The following SLX4 variants were observed in gnomAD, a reference collection of about 807,000 sequenced individuals.
The protein encoded by SLX4 is SLX4 structure-specific endonuclease subunit.
A neutral mutation model predicts 146.2 loss-of-function variants in SLX4; 112 were observed. The observed-to-expected ratio is 0.77, with a 90% CI of 0.66 to 0.90. SLX4 has a LOEUF of 0.90. SLX4 is among the 40% of genes least tolerant of loss of function. The pLI is 0.00. For synonymous variants in SLX4, 1,061 were observed against 997.7 expected (o/e 1.06, Z -1.20); for missense variants, 2,563 against 2,392.7 (o/e 1.07, Z -1.49).
At position 3,590,409 on chromosome 16, in the gene SLX4, C is replaced by T. The variant is rs773657447; in HGVS notation, c.3229G>A (p.Ala1077Thr). 3 of 1,614,222 alleles carry T rather than the reference C, an allele frequency of 1.9e-6. No homozygotes were observed. Among genetic ancestry groups the T allele is most frequent in the Middle Eastern group, 1.6e-4 (1 of 6,062 alleles). Reference protein sequence around the residue: ...QVGSPTLLSPAVPSKQKRDRS... With the variant: ...QVGSPTLLSPTVPSKQKRDRS... Reference sequence around the variant, plus strand: ...TCCCTTTTCTGCTTTGATGGCACAGCTGGAGACAGCAAGGTTGGGGAGCCC... The same window carrying T: ...TCCCTTTTCTGCTTTGATGGCACAGTTGGAGACAGCAAGGTTGGGGAGCCC... Residue 1077 changes from alanine to threonine, a missense_variant, in exon 12 of 15, where the codon GCT (alanine) becomes ACT (threonine). Physicochemically the swap from Ala to Thr is moderately conservative, Grantham distance 58 (BLOSUM62 0). Transcript: ENST00000294008. This position sits in a 1 kb window ranked among gnomAD's most constrained non-coding sequence, Gnocchi z 4.8.
Position 3,582,435 on chromosome 16 carries a change from G to C in SLX4, c.5412C>G (p.His1804Gln), listed in dbSNP as rs1270976047. 1.2e-6 allele frequency: 2 copies of C among 1,613,832 alleles called. No individual in the cohort carries two copies. The highest frequency in any genetic ancestry group is 1.7e-6 in the Non-Finnish European group (2 of 1,180,044). Residue 1804 changes from histidine (H) to glutamine (Q), a missense_variant, in exon 15 of 15, where the codon CAC becomes CAG. Physicochemically the swap from His to Gln is conservative, Grantham distance 24 (BLOSUM62 0). Transcript: ENST00000294008. ...SRRLLDFLDT[H>Q]CITFTTAATR... ...TGGCGGCAGTGGTGAAGGTGATACA[G>C]TGGGTGTCCAGGAAGTCCAACAGCC...
intron 10 of SLX4, among the ~76,000 whole-genome samples, chr16:3,594,118 C>T (rs565622585): frequency 4.0e-4 from 61 of 152,242 alleles, no homozygotes; most frequent in African/African-American, 1.3e-3. Flanking sequence ...CTGCCCGCCT[C>T]GGCCTCCCAA....
chr16:3,598,853 G>T (rs994420853), intron 5 of SLX4, among the ~76,000 whole-genome samples: 2 of 152,178 alleles, frequency 1.3e-5, no homozygotes, highest in Admixed American at 6.5e-5. Context: ...CACAGACTGT[G>T]TTCCCTCCTC....
Position 3,582,370 on chromosome 16 carries a change from C to T in SLX4, c.5477G>A (p.Arg1826Gln), listed in dbSNP as rs373558741. The T allele has an allele frequency of 6.8e-5, 110 of 1,613,146 alleles. No individual in the cohort carries two copies. The South Asian group carries it at 6.9e-4, about 10-fold the overall frequency. Residue 1826 changes from arginine (R) to glutamine (Q), a missense_variant, in exon 15 of 15, where the codon CGG becomes CAG. Arg to Gln is a conservative substitution (Grantham distance 43, BLOSUM62 1). Transcript: ENST00000294008. ...EKLQGRRRQPRGKKKVERN is the reference protein window; with the variant it reads ...EKLQGRRRQPQGKKKVERN ...GTTCCGCTCCACCTTCTTCTTGCCC[C>T]GAGGCTGCCGCCTCCTGCCCTGGAG...
chr16:3,600,923 G>A, intron 5 of SLX4, 56 bp downstream of exon 5: 1 of 1,589,550 alleles, frequency 6.3e-7, no homozygotes, highest in East Asian at 2.2e-5. Flanking sequence ...AATAGAAAAA[G>A]CCCTGAGTGC....
chr16:3,588,392 G>A (rs2040532610), intron 12 of SLX4, among the ~76,000 whole-genome samples: 1 of 152,370 alleles, frequency 6.6e-6, no homozygotes, highest in East Asian at 1.9e-4. Flanking sequence ...CCACGCGGTA[G>A]CGTGTGGCAG....
chr16:3,597,315 T>G lies in SLX4; in HGVS notation c.1683+64A>C. 2.1e-6 allele frequency: 3 copies of G among 1,454,464 alleles called. No homozygotes were observed. The highest frequency in any genetic ancestry group is 2.7e-6 in the Non-Finnish European group (3 of 1,095,886). 90.1% of individuals were successfully genotyped at this position (1,454,464 alleles called of 1,614,324 possible). The stretch of plus-strand genomic sequence containing the variant: ...TCACCTGGCTGTGGGTACCCAGTGT[T>G]GCAGTTCTGGGATTGCCAACCTCCC... On this transcript the variant is annotated intron_variant, in intron 7 of 14. Transcript: ENST00000294008. This position sits in a 1 kb window ranked among gnomAD's most constrained non-coding sequence, Gnocchi z 4.4.
intron 9 of SLX4, 58 bp downstream of exon 9, chr16:3,595,547 C>T (rs1307344854): frequency 1.3e-6 from 2 of 1,597,056 alleles, no homozygotes; most frequent in Non-Finnish European, 1.7e-6. Flanking sequence ...AACCCCACCA[C>T]ACACATGGCA....
At chr16:3,610,397 A>C (rs2040843332) in intron 1 of SLX4, among the ~76,000 whole-genome samples, 1 of 152,184 alleles carries the variant, frequency 6.6e-6, no homozygotes, top group African/African-American at 2.4e-5. Context: ...GGCATCTGTC[A>C]TAGGTTATCA....
chr16:3,605,901 C>T (rs1372738432), intron 3 of SLX4, among the ~76,000 whole-genome samples: 1 of 133,310 alleles, frequency 7.5e-6, no homozygotes, highest in Admixed American at 8.8e-5. Context: ...GAGCTAATAT[C>T]GTGCCACTGC....
intron 3 of SLX4, among the ~76,000 whole-genome samples, chr16:3,605,946 CAAAAAAAAAAA>C (rs1181232820): frequency 0.018 from 483 of 27,042 alleles, 11 homozygotes; most frequent in African/African-American, 0.069. Flanking sequence ...GACTCCATCT[CAAAAAAAAAAA>C]AAAAAAAAAA....
Position 3,589,979 on chromosome 16 carries a change from C to T in SLX4, c.3659G>A (p.Gly1220Glu). 6.2e-7 allele frequency: 1 copy of T among 1,613,998 alleles called. No individual in the cohort carries two copies. The highest frequency in any genetic ancestry group is 8.5e-7 in the Non-Finnish European group (1 of 1,180,022). ...AGAGCCCCGATTCTCCGGCAGCGCC[C>T]CCTCATCCTCCTGCTGCAGCACAGC... ...SEAVLQQEDE[G>E]ALPENRGSLG... Residue 1220 changes from glycine to glutamate, a missense_variant, in exon 12 of 15, where the codon GGG becomes GAG. Gly to Glu is a moderately conservative substitution (Grantham distance 98). Coordinates refer to ENST00000294008, the MANE Select transcript of SLX4 (RefSeq NM_032444.4). This position sits in a 1 kb window ranked among gnomAD's most constrained non-coding sequence, Gnocchi z 6.2.
At chr16:3,586,597 G>A (rs1367536681) in intron 12 of SLX4, among the ~76,000 whole-genome samples, 1 of 152,142 alleles carries the variant, frequency 6.6e-6, no homozygotes, top group Non-Finnish European at 1.5e-5. Flanking sequence ...GATCACTTGA[G>A]GTTAGGAGTT....
At position 3,583,107 on chromosome 16, in the gene SLX4, T is replaced by A. The variant is rs2151116429; in HGVS notation, c.5143A>T (p.Ser1715Cys). 6.2e-7 allele frequency: 1 copy of A among 1,614,238 alleles called. No homozygotes were observed. Among genetic ancestry groups the A allele is most frequent in the Non-Finnish European group, 8.5e-7 (1 of 1,180,046 alleles). Residue 1715 changes from serine (S) to cysteine (C), a missense_variant, in exon 14 of 15, where the codon AGC (serine) becomes TGC (cysteine). Physicochemically the swap from Ser to Cys is moderately radical, Grantham distance 112. Coordinates refer to ENST00000294008, the MANE Select transcript of SLX4 (RefSeq NM_032444.4). ...TSVDGSDSSLSSQSSSSCEFG... is the reference protein window; with the variant it reads ...TSVDGSDSSLCSQSSSSCEFG... ...CATCCATCCGGTTACCTCTGTGAGC[T>A]CAAGGAGCTGTCACTGCCATCCACA...
chr16:3,601,104 T>C lies in SLX4; in HGVS notation c.1038A>G (p.Leu346=). 1 of 1,614,146 alleles carries C rather than the reference T, an allele frequency of 6.2e-7. No homozygotes were observed. Among genetic ancestry groups the C allele is most frequent in the Non-Finnish European group, 8.5e-7 (1 of 1,180,014 alleles). ...GCTTCAAGTGACTGGTTCTGCTCTT[T>C]AAGGTAAGAAACGGTTTCCCACAAA... The part of the protein sequence containing the change: ...CPICGKPFLT[L]KSRTSHLKQC... The change falls in exon 5 of 15, where the codon TTA becomes TTG. Residue 346 remains leucine, a synonymous_variant. Transcript: ENST00000294008.
In SLX4 at chr16:3,608,513, G is replaced by C; in HGVS notation, c.452C>G (p.Pro151Arg). The C allele has an allele frequency of 6.2e-7, 1 of 1,614,212 alleles. No individual in the cohort carries two copies. The highest frequency in any genetic ancestry group is 1.1e-5 in the South Asian group (1 of 91,084). The change falls in exon 2 of 15, where the codon CCT (proline) becomes CGT (arginine). Residue 151 changes from proline (P) to arginine (R), a missense_variant. Physicochemically the swap from Pro to Arg is moderately radical, Grantham distance 103. Transcript: ENST00000294008. ...GGVLASAPDP[P>R]VLRETAQNTQ... Reference sequence around the variant, plus strand: ...GTTTTGTGCTGTTTCCCGGAGCACAGGTGGATCTGGAGCAGAGGCAAGCAC... The same window carrying C: ...GTTTTGTGCTGTTTCCCGGAGCACACGTGGATCTGGAGCAGAGGCAAGCAC...
chr16:3,582,814 C>T (rs2040456143), intron 14 of SLX4, 121 bp from the exon 15 acceptor site: 7 of 990,010 alleles, frequency 7.1e-6, no homozygotes, highest in Non-Finnish European at 1.1e-5. Context: ...GTGGCACGAT[C>T]CCCAGCAAGG....
Position 3,597,230 on chromosome 16 carries a change from C to A in SLX4, c.1683+149G>T. ...AGTTGCTGGACAGAGAAGAAAGCTG[C>A]AGCCACCAAGTGCCCCTCTGGCCTC... On this transcript the variant is annotated intron_variant, in intron 7 of 14. Transcript: ENST00000294008. This position sits in a 1 kb window ranked among gnomAD's most constrained non-coding sequence, Gnocchi z 4.4. The A allele has an allele frequency of 1.2e-6, 1 of 844,958 alleles. No individual in the cohort carries two copies. The highest frequency in any genetic ancestry group is 1.8e-6 in the Non-Finnish European group (1 of 560,156). The allele number at this position is 844,958 out of a possible 1,614,324, so 52.3% of individuals were successfully genotyped here.
intron 11 of SLX4, 94 bp downstream of exon 11, chr16:3,592,605 C>T (rs1436553194): frequency 1.4e-6 from 2 of 1,420,084 alleles, no homozygotes; most frequent in African/African-American, 2.8e-5. Context: ...GTTCTCTTGG[C>T]CTCAGCCCCG....
Sources: allele counts gnomAD v4.1 joint callset (sites outside exome capture counted in the v4.1 genomes callset), GRCh38; gene constraint gnomAD v4.1.1; non-coding constraint Gnocchi (gnomAD v3.1); transcripts MANE v1.5; gene names NCBI Gene and HGNC (gene_info 2026-07-23, HGNC 2026-07-21).